Variants in SLC24A1 observed in about 807,000 individuals in gnomAD.
The protein encoded by SLC24A1 is solute carrier family 24 member 1.
SLC24A1 carries 52 observed loss-of-function variants against 88.1 expected under a neutral mutation model. The ratio of observed to expected loss-of-function variants is 0.59; its 90% CI spans 0.47 to 0.74. The LOEUF (loss-of-function observed/expected upper bound fraction) is 0.74. SLC24A1 is among the 30% of genes least tolerant of loss of function. SLC24A1 has a pLI of 0.00. For missense variants in SLC24A1, 1,173 were observed against 1,363.3 expected (o/e 0.86, Z 2.20); for synonymous variants, 455 against 498.0 (o/e 0.91, Z 1.15).
In SLC24A1 at chr15:65,624,135, C is replaced by A. The variant is rs766449693; in HGVS notation, c.55C>A (p.Arg19=). ...PQERWLLRTK[R]LHWSRLLFLL... ...AGAGAGGTGGTTACTCCGGACAAAGCGGCTTCATTGGAGTCGCCTCCTCTT... is the reference window on the plus strand; with the variant it reads ...AGAGAGGTGGTTACTCCGGACAAAGAGGCTTCATTGGAGTCGCCTCCTCTT... The change falls in exon 2 of 10, where the codon CGG becomes AGG. Residue 19 remains arginine (R), a synonymous_variant. Coordinates refer to ENST00000261892, the MANE Select transcript of SLC24A1 (RefSeq NM_004727.3). 6.2e-7 allele frequency: 1 copy of A among 1,612,660 alleles called. No homozygotes were observed. Among genetic ancestry groups the A allele is most frequent in the Non-Finnish European group, 8.5e-7 (1 of 1,179,422 alleles).
chr15:65,642,417 C>T (rs1365511030), intron 4 of SLC24A1, among the ~76,000 whole-genome samples: 1 of 152,126 alleles, frequency 6.6e-6, no homozygotes, highest in African/African-American at 2.4e-5. Flanking sequence ...CTGCAGCTGA[C>T]CTGTTTTCCT....
intron 4 of SLC24A1, 164 bp from the exon 5 acceptor site, chr15:65,644,263 T>A: frequency 1.5e-6 from 1 of 657,068 alleles, no homozygotes. Flanking sequence ...GCACCACAAC[T>A]AGGCCTCGTA....
At chr15:65,616,855 T>G (rs2074161555) in intron 2 of SLC24A1, among the ~76,000 whole-genome samples, 1 of 152,226 alleles carries the variant, frequency 6.6e-6, no homozygotes, top group African/African-American at 2.4e-5. Context: ...TTTTATGGTT[T>G]TAGGTCTAAC....
At chr15:65,637,458 A>G (rs918133044) in intron 2 of SLC24A1, among the ~76,000 whole-genome samples, 9 of 152,228 alleles carry the variant, frequency 5.9e-5, no homozygotes, top group Non-Finnish European at 1.3e-4. Context: ...GAGTAGGCAG[A>G]AAGGAATGGA....
intron 7 of SLC24A1, among the ~76,000 whole-genome samples, 155 bp from the exon 8 acceptor site, chr15:65,651,515 C>T (rs1489746879): frequency 6.6e-6 from 1 of 152,212 alleles, no homozygotes; most frequent in Non-Finnish European, 1.5e-5. Flanking sequence ...TCTCAAGGTC[C>T]TCCCTGGAGA....
intron 2 of SLC24A1, chr15:65,612,715 C>A (rs2074001249): frequency 6.6e-6 from 1 of 152,118 alleles, no homozygotes; most frequent in African/African-American, 2.4e-5. Flanking sequence ...GTCTAGTTAC[C>A]CCTAATGTGA....
chr15:65,633,242 A>AAT (rs1391003781), intron 2 of SLC24A1, among the ~76,000 whole-genome samples: 122 of 152,368 alleles, frequency 8.0e-4, no homozygotes, highest in African/African-American at 2.7e-3. Flanking sequence ...TGCTGAGTTT[A>AAT]ATATATACAC....
chr15:65,637,931 G>C (rs2074994943), intron 2 of SLC24A1, among the ~76,000 whole-genome samples, 197 bp from the exon 3 acceptor site: 2 of 152,274 alleles, frequency 1.3e-5, no homozygotes, highest in Admixed American at 1.3e-4. Flanking sequence ...TTCGACTGGG[G>C]GTACTGCATT....
upstream of SLC24A1, among the ~76,000 whole-genome samples, chr15:65,617,933 C>G (rs1352738432): frequency 2.0e-5 from 3 of 152,144 alleles, no homozygotes; most frequent in Non-Finnish European, 4.4e-5. Context: ...TCTTGAACTC[C>G]TAGTCTCAAG....
chr15:65,652,164 A>G, intron 8 of SLC24A1: 4 of 336,702 alleles, frequency 1.2e-5, no homozygotes, highest in Non-Finnish European at 1.7e-5. Flanking sequence ...TCTGCCTGGA[A>G]TACTGAACTG....
intron 6 of SLC24A1, among the ~76,000 whole-genome samples, chr15:65,645,937 T>C (rs1428355354): frequency 2.0e-5 from 3 of 152,258 alleles, no homozygotes; most frequent in Non-Finnish European, 2.9e-5. Context: ...TATTGTGAAC[T>C]GTCACATGCT....
chr15:65,643,004 C>T lies in SLC24A1; in HGVS notation c.2054-1423C>T, dbSNP rs1166610861. ...GGCATCATCACTGTGGGGTGCTTCC[C>T]AGGTAGGACAGCTGCTCTCAACTAC... On this transcript the variant is annotated intron_variant, in intron 4 of 9. Transcript: ENST00000261892. The T allele has an allele frequency of 3.1e-6, 4 of 1,289,260 alleles. No individual in the cohort carries two copies. The South Asian group carries it at 3.7e-5, about 12-fold the overall frequency. The allele number at this position is 1,289,260 out of a possible 1,614,324, so 79.9% of individuals were successfully genotyped here.
chr15:65,628,151 A>C (rs2074582611), intron 2 of SLC24A1, among the ~76,000 whole-genome samples: 1 of 151,774 alleles, frequency 6.6e-6, no homozygotes, highest in African/African-American at 2.4e-5. Flanking sequence ...AGAGATGGGG[A>C]CCTCACCATG....
intron 2 of SLC24A1, among the ~76,000 whole-genome samples, chr15:65,615,959 A>G (rs920442655): frequency 2.1e-5 from 3 of 143,488 alleles, no homozygotes; most frequent in African/African-American, 5.2e-5. Context: ...ATTCCCACCT[A>G]TCGGTGAGAA....
In SLC24A1 at chr15:65,654,240, G is replaced by T; in HGVS notation, c.*161G>T. 1 of 1,418,534 alleles carries T rather than the reference G, an allele frequency of 7.0e-7. No homozygotes were observed. The highest frequency in any genetic ancestry group is 9.2e-7 in the Non-Finnish European group (1 of 1,092,322). 87.9% of individuals were successfully genotyped at this position (1,418,534 alleles called of 1,614,324 possible). A position where few individuals can be genotyped will look rare whatever the true frequency, so the allele number is the denominator to read the frequency against. Reference sequence around the variant, plus strand: ...TGATCTGAGACTAAAGTTTGTCCTTGGAAACACCTGCAGCTCATTGTGGAT... The same window carrying T: ...TGATCTGAGACTAAAGTTTGTCCTTTGAAACACCTGCAGCTCATTGTGGAT... On this transcript the variant is annotated 3_prime_UTR_variant, in exon 10 of 10. Coordinates refer to ENST00000261892, the MANE Select transcript of SLC24A1 (RefSeq NM_004727.3).
intron 9 of SLC24A1, among the ~76,000 whole-genome samples, chr15:65,653,224 G>A (rs994380173): frequency 3.9e-5 from 6 of 152,100 alleles, no homozygotes; most frequent in East Asian, 1.9e-4. Flanking sequence ...TGTATAACAC[G>A]CAAATGCCTT....
chr15:65,658,751 C>G (rs990859974), downstream of SLC24A1, among the ~76,000 whole-genome samples: 2 of 152,142 alleles, frequency 1.3e-5, no homozygotes, highest in African/African-American at 4.8e-5. Flanking sequence ...TTAAGCATAA[C>G]TTCTAAATAG....
Position 65,654,133 on chromosome 15 carries a change from C to G in SLC24A1, c.*54C>G, listed in dbSNP as rs2075600941. ...GGATCAGAAGACCATGCAGAAGTTA[C>G]TGTATCTCTTGTGACCCTAATGAAA... is the stretch of plus-strand genomic sequence containing the variant. On this transcript the variant is annotated 3_prime_UTR_variant, in exon 10 of 10. Transcript: ENST00000261892. 19 of 1,578,324 alleles carry G rather than the reference C, an allele frequency of 1.2e-5. No homozygotes were observed. The South Asian group carries it at 2.1e-4, about 18-fold the overall frequency.
intron 5 of SLC24A1, 87 bp downstream of exon 5, chr15:65,644,600 C>A: frequency 2.2e-6 from 2 of 897,668 alleles, no homozygotes; most frequent in Non-Finnish European, 3.6e-6. Context: ...CAGCAGCCAG[C>A]CAGGCCAGGG....
Sources: gnomAD v4.1 joint callset for allele counts (sites outside exome capture counted in the v4.1 genomes callset) on GRCh38, gnomAD v4.1.1 for gene constraint, MANE v1.5 for transcripts, NCBI Gene and HGNC (gene_info 2026-07-23, HGNC 2026-07-21) for gene names.